The following CACNA1C variants were observed in gnomAD, a reference collection of about 807,000 sequenced individuals.
CACNA1C encodes voltage-dependent L-type calcium channel subunit alpha-1C.
CACNA1C carries 30 observed loss-of-function variants against 229.0 expected under a neutral mutation model. The ratio of observed to expected loss-of-function variants is 0.13; its 90% CI spans 0.10 to 0.18. The LOEUF (loss-of-function observed/expected upper bound fraction) is 0.18, where lower values mean the gene tolerates loss of function less well. Among genes scored for constraint, CACNA1C ranks in the 10% least tolerant of loss-of-function variants. The pLI is 1.00. For missense variants in CACNA1C, 1,658 were observed against 2,845.0 expected (o/e 0.58, Z 9.49); for synonymous variants, 1,114 against 1,132.5 (o/e 0.98, Z 0.33).
chr12:2,519,121 G>C (rs1399415045), intron 9 of CACNA1C, among the ~76,000 whole-genome samples: 3 of 152,184 alleles, frequency 2.0e-5, no homozygotes, highest in Admixed American at 6.5e-5. Flanking sequence ...TGTCCCCCTA[G>C]CTCTTGGGGC....
chr12:2,260,964 C>G (rs1168968368), intron 3 of CACNA1C, among the ~76,000 whole-genome samples: 1 of 152,126 alleles, frequency 6.6e-6, no homozygotes, highest in Admixed American at 6.5e-5. Context: ...GGTGGTGTGG[C>G]TCACACCTGT....
At chr12:2,559,689 T>C (rs2046443651) in intron 11 of CACNA1C, among the ~76,000 whole-genome samples, 3 of 152,204 alleles carry the variant, frequency 2.0e-5, no homozygotes, top group Admixed American at 2.0e-4. Flanking sequence ...CTAGTATGGC[T>C]GAGTCAGAGC....
intron 3 of CACNA1C, among the ~76,000 whole-genome samples, chr12:2,247,683 T>G (rs2073947217): frequency 1.3e-5 from 2 of 152,208 alleles, no homozygotes; most frequent in African/African-American, 4.8e-5. Context: ...AAAGGAAACT[T>G]TTGCTGAAAC....
chr12:2,311,218 A>T (rs1046449534), intron 3 of CACNA1C, among the ~76,000 whole-genome samples: 10 of 152,204 alleles, frequency 6.6e-5, no homozygotes, highest in African/African-American at 2.4e-4. Flanking sequence ...TGGTTCTTTG[A>T]GCAAATGACT....
intron 3 of CACNA1C, among the ~76,000 whole-genome samples, chr12:2,427,532 A>C (rs1161996432): frequency 1.9e-5 from 1 of 52,912 alleles, no homozygotes; most frequent in African/African-American, 7.5e-5. Context: ...ACCGACCCAC[A>C]CATCAAGGAG....
At chr12:2,452,992 G>A (rs973480105) in intron 4 of CACNA1C, among the ~76,000 whole-genome samples, 2 of 152,114 alleles carry the variant, frequency 1.3e-5, no homozygotes, top group African/African-American at 2.4e-5. Flanking sequence ...GGGATTCAAG[G>A]CCTCACCAGC....
chr12:2,564,820 G>A (rs1346243979), intron 11 of CACNA1C, among the ~76,000 whole-genome samples: 1 of 152,112 alleles, frequency 6.6e-6, no homozygotes, highest in Non-Finnish European at 1.5e-5. Context: ...CTGGAGAACA[G>A]GAAGAGAATT....
chr12:2,419,634 A>G (rs1471685755), intron 3 of CACNA1C, among the ~76,000 whole-genome samples: 1 of 152,220 alleles, frequency 6.6e-6, no homozygotes, highest in Non-Finnish European at 1.5e-5. Context: ...TTCCAAATAA[A>G]TTGAGACTTG....
At chr12:2,138,129 C>T (rs764847477) in intron 3 of CACNA1C, among the ~76,000 whole-genome samples, 4 of 151,474 alleles carry the variant, frequency 2.6e-5, no homozygotes, top group Non-Finnish European at 5.9e-5. Context: ...TCTGGGCTCT[C>T]GGGCACACAG....
chr12:2,009,087 C>G (rs770886451), intron 1 of CACNA1C, among the ~76,000 whole-genome samples: 13 of 152,322 alleles, frequency 8.5e-5, no homozygotes, highest in Non-Finnish European at 1.6e-4. Context: ...CGTACTTCCA[C>G]TGTGTTTCCA....
chr12:2,595,315 A>T lies in CACNA1C; in HGVS notation c.2664-559A>T, dbSNP rs1041747946. On this transcript the variant is annotated intron_variant, in intron 19 of 46. Coordinates refer to ENST00000399655, the MANE Select transcript of CACNA1C (RefSeq NM_000719.7). The surrounding 1 kb of genome is among the most constrained non-coding windows in gnomAD (Gnocchi z 4.1). ...TCCTTCCTACATTGCTGTCAAGATGAGATGGTGTACAAGACACTTTGGCAT... is the reference window on the plus strand; with the variant it reads ...TCCTTCCTACATTGCTGTCAAGATGTGATGGTGTACAAGACACTTTGGCAT... Among the ~76,000 whole-genome samples, 2 of 152,132 alleles carry T rather than the reference A, an allele frequency of 1.3e-5. No homozygotes were observed. The highest frequency in any genetic ancestry group is 2.9e-5 in the Non-Finnish European group (2 of 68,030).
Position 2,601,775 on chromosome 12 carries a change from G to A in CACNA1C, c.2854-79G>A, listed in dbSNP as rs1478060777. ...TGGGACTTGCCCAAGGGATGCTGTG[G>A]GAGGAAGGGGTGGTGTGAGGGGTCT... is the stretch of plus-strand genomic sequence containing the variant. On this transcript the variant is annotated intron_variant, in intron 21 of 46. Coordinates refer to ENST00000399655, the MANE Select transcript of CACNA1C (RefSeq NM_000719.7). This position sits in a 1 kb window ranked among gnomAD's most constrained non-coding sequence, Gnocchi z 5.9. 4 of 876,992 alleles carry A rather than the reference G, an allele frequency of 4.6e-6. No homozygotes were observed. The highest frequency in any genetic ancestry group is 7.8e-6 in the Non-Finnish European group (4 of 510,002). The allele number at this position is 876,992 out of a possible 1,614,324, so 54.3% of individuals were successfully genotyped here.
chr12:2,335,071 T>C (rs1435106598), intron 3 of CACNA1C, among the ~76,000 whole-genome samples: 4 of 152,190 alleles, frequency 2.6e-5, no homozygotes, highest in Non-Finnish European at 5.9e-5. Flanking sequence ...GCCTCAACCC[T>C]ATTCTGAGAT....
chr12:2,272,816 T>TTGG (rs2085710467), intron 3 of CACNA1C, among the ~76,000 whole-genome samples: 1 of 152,228 alleles, frequency 6.6e-6, no homozygotes, highest in Non-Finnish European at 1.5e-5. Context: ...GTTACATTTA[T>TTGG]CCGTTCTATT....
In CACNA1C at chr12:2,348,023, G is replaced by A. The variant is rs2097097257; in HGVS notation, c.478-100953G>A. Among the ~76,000 whole-genome samples, 1 of 152,264 alleles carries A rather than the reference G, an allele frequency of 6.6e-6. No homozygotes were observed. Among genetic ancestry groups the A allele is most frequent in the Admixed American group, 6.5e-5 (1 of 15,292 alleles). On this transcript the variant is annotated intron_variant, in intron 3 of 46. Coordinates refer to ENST00000399655, the MANE Select transcript of CACNA1C (RefSeq NM_000719.7). The surrounding 1 kb of genome is among the most constrained non-coding windows in gnomAD (Gnocchi z 4.7). ...TTTGGTACCTGCTGAGAGAGCCAGT[G>A]CCAGCTGGGAAATCTGTGAGGTCTC...
rs1454382018 is a variant in CACNA1C, at chr12:2,566,712, G to A, written c.1669+130G>A. On this transcript the variant is annotated intron_variant, in intron 12 of 46. Coordinates refer to ENST00000399655, the MANE Select transcript of CACNA1C (RefSeq NM_000719.7). This position sits in a 1 kb window ranked among gnomAD's most constrained non-coding sequence, Gnocchi z 4.0. The stretch of plus-strand genomic sequence containing the variant: ...ATGGTCGGGGCTCTTGGCAGGTGCT[G>A]TGCTGGAGACACCAAGGGCCTGGCA... 2 of 729,054 alleles carry A rather than the reference G, an allele frequency of 2.7e-6. No individual in the cohort carries two copies. Among genetic ancestry groups the A allele is most frequent in the Non-Finnish European group, 4.3e-6 (2 of 459,972 alleles). The allele number at this position is 729,054 out of a possible 1,614,324, so 45.2% of individuals were successfully genotyped here.
rs1351697076 is a variant in CACNA1C at position 2,107,069 on chromosome 12, T to C, written c.50-8155T>C. On this transcript the variant is annotated intron_variant, in intron 1 of 46. Transcript: ENST00000399655. ...GGGGTGTCCTGAAACCACTGGGTGC[T>C]CACCCCAGGGAGGGTTTCCACTTCA... Among the ~76,000 whole-genome samples the C allele has an allele frequency of 9.8e-4, 71 of 72,706 alleles. 5 individuals carry two copies. The highest frequency in any genetic ancestry group is 2.6e-3 in the African/African-American group (47 of 18,128). 47.7% of individuals were successfully genotyped at this position (72,706 alleles called of 152,430 possible).
chr12:2,637,516 A>G (rs551519895), intron 30 of CACNA1C, among the ~76,000 whole-genome samples: 108 of 152,360 alleles, frequency 7.1e-4, no homozygotes, highest in Admixed American at 1.8e-3. Flanking sequence ...ACCACGGCCC[A>G]TAACTCTGGG....
At chr12:2,573,841 A>G (rs1232555117) in intron 13 of CACNA1C, among the ~76,000 whole-genome samples, 2 of 152,264 alleles carry the variant, frequency 1.3e-5, no homozygotes, top group Admixed American at 6.5e-5. Context: ...AAATGCTTCT[A>G]TGAATGGGTG....
Sources: gnomAD v4.1 joint callset for allele counts (sites outside exome capture counted in the v4.1 genomes callset) on GRCh38, gnomAD v4.1.1 for gene constraint, Gnocchi (gnomAD v3.1) non-coding constraint, MANE v1.5 for transcripts, NCBI Gene and HGNC (gene_info 2026-07-23, HGNC 2026-07-21) for gene names.